MAML3: variants seen among roughly 807,000 people sequenced by gnomAD.
The protein encoded by MAML3 is mastermind like transcriptional coactivator 3, also known as mastermind-like protein 3.
MAML3 carries 27 observed loss-of-function variants against 101.9 expected under a neutral mutation model. The observed-to-expected ratio is 0.27, with a 90% CI of 0.20 to 0.37. The LOEUF is 0.37. Among genes scored for constraint, MAML3 ranks in the 10% least tolerant of loss-of-function variants. The pLI is 1.00. For missense variants in MAML3, 1,316 were observed against 1,444.9 expected (o/e 0.91, Z 1.45); for synonymous variants, 501 against 555.9 (o/e 0.90, Z 1.39).
At chr4:140,019,901 G>A (rs1272105704) in intron 1 of MAML3, among the ~76,000 whole-genome samples, 2 of 152,192 alleles carry the variant, frequency 1.3e-5, no homozygotes, top group African/African-American at 4.8e-5. Context: ...CCTGGGTACT[G>A]TGAGGATTTC....
intron 2 of MAML3, among the ~76,000 whole-genome samples, chr4:139,790,667 T>A (rs1266501221): frequency 6.6e-6 from 1 of 152,190 alleles, no homozygotes; most frequent in African/African-American, 2.4e-5. Flanking sequence ...GTGTCTGGCT[T>A]ATTTCACTTA....
At chr4:139,928,743 G>T (rs1211984103) in intron 1 of MAML3, among the ~76,000 whole-genome samples, 1 of 152,204 alleles carries the variant, frequency 6.6e-6, no homozygotes, top group Non-Finnish European at 1.5e-5. Flanking sequence ...TCCATGAACT[G>T]CTGGCTGCAG....
At chr4:139,956,108 T>C (rs931138532) in intron 1 of MAML3, among the ~76,000 whole-genome samples, 9 of 152,214 alleles carry the variant, frequency 5.9e-5, no homozygotes, top group Non-Finnish European at 1.3e-4. Flanking sequence ...GACTTGCTAC[T>C]TATATAATTG....
intron 1 of MAML3, among the ~76,000 whole-genome samples, chr4:140,085,286 G>C (rs1320523289): frequency 6.6e-6 from 1 of 152,138 alleles, no homozygotes; most frequent in African/African-American, 2.4e-5. Flanking sequence ...TACTCATCTT[G>C]CTTTGCAGTC....
intron 1 of MAML3, among the ~76,000 whole-genome samples, chr4:140,033,604 T>C (rs1364057892): frequency 6.6e-6 from 1 of 152,188 alleles, no homozygotes; most frequent in Non-Finnish European, 1.5e-5. Flanking sequence ...GCACAGTGGT[T>C]AAGAGCACTG....
chr4:139,838,117 A>G (rs997506560), intron 2 of MAML3, among the ~76,000 whole-genome samples: 11 of 151,736 alleles, frequency 7.2e-5, no homozygotes, highest in African/African-American at 1.7e-4. Context: ...GGGTTGGGAC[A>G]TGTTTTCCCA....
At chr4:139,804,999 C>T (rs899462792) in intron 2 of MAML3, among the ~76,000 whole-genome samples, 5 of 152,010 alleles carry the variant, frequency 3.3e-5, no homozygotes, top group Non-Finnish European at 7.4e-5. Flanking sequence ...GCCAACATGG[C>T]GAAAACCCAT....
intron 1 of MAML3, among the ~76,000 whole-genome samples, chr4:139,943,864 C>CT (rs10644498): frequency 0.37 from 24,023 of 65,576 alleles, 6,249 homozygotes; most frequent in East Asian, 0.73. Flanking sequence ...CTAAAGACAA[C>CT]TTTTTTTTTT....
chr4:139,745,289 C>A (rs1729285647), intron 2 of MAML3, among the ~76,000 whole-genome samples: 1 of 73,952 alleles, frequency 1.4e-5, no homozygotes, highest in Non-Finnish European at 3.5e-5. Flanking sequence ...GACCACCGTC[C>A]ATCAGGAGCC....
intron 1 of MAML3, among the ~76,000 whole-genome samples, chr4:139,941,545 G>T (rs75214989): frequency 0.12 from 16,674 of 143,244 alleles, 1,005 homozygotes; most frequent in African/African-American, 0.13. Flanking sequence ...GTTGTTGTTG[G>T]TGGTGGTGGT....
intron 1 of MAML3, among the ~76,000 whole-genome samples, chr4:140,145,227 CTG>C (rs1291609470): frequency 6.6e-6 from 1 of 152,214 alleles, no homozygotes; most frequent in African/African-American, 2.4e-5. Context: ...AAGTAAAACA[CTG>C]TTAACAGTTG....
intron 2 of MAML3, among the ~76,000 whole-genome samples, chr4:139,833,035 T>C (rs1480884366): frequency 2.0e-5 from 3 of 152,210 alleles, no homozygotes; most frequent in African/African-American, 7.2e-5. Flanking sequence ...AACTACCAAT[T>C]ATCTCATAAG....
intron 1 of MAML3, among the ~76,000 whole-genome samples, chr4:139,994,530 C>G (rs557374423): frequency 2.0e-5 from 3 of 152,122 alleles, no homozygotes; most frequent in African/African-American, 4.8e-5. Flanking sequence ...TAAGGTGGTG[C>G]ATGCCTGAAG....
chr4:139,768,955 A>C (rs144863769), intron 2 of MAML3, among the ~76,000 whole-genome samples: 2 of 152,326 alleles, frequency 1.3e-5, no homozygotes, highest in East Asian at 3.9e-4. Flanking sequence ...GAAGGTGTAC[A>C]TGACTCTACG....
intron 1 of MAML3, among the ~76,000 whole-genome samples, chr4:140,029,305 C>T (rs1239105990): frequency 6.6e-6 from 1 of 152,206 alleles, no homozygotes; most frequent in Non-Finnish European, 1.5e-5. Context: ...AACACTGCCA[C>T]TGCGATTAGA....
rs77304065 is a variant in MAML3 at position 140,110,637 on chromosome 4, T to G, written c.468+42223A>C. 9.5e-4 allele frequency among the ~76,000 whole-genome samples: 145 copies of G among 152,246 alleles called. 2 individuals are homozygous for G. In the East Asian group the frequency reaches 0.027, roughly 28 times the overall value. ...TACTTACAGGAAAGAGTAATTAAAT[T>G]TAAAGGCAACATTCAAAGTCACATG... On this transcript the variant is annotated intron_variant, in intron 1 of 4. Transcript: ENST00000509479.
intron 2 of MAML3, chr4:139,740,810 G>A (rs1293622115): frequency 6.6e-6 from 1 of 152,564 alleles, no homozygotes; most frequent in East Asian, 1.9e-4. Context: ...GGGAAGGCGA[G>A]GGCACTTCCC....
rs562153048 is a variant in MAML3, at chr4:140,003,325, G to A, written c.469-112358C>T. Among the ~76,000 whole-genome samples, 2 of 152,202 alleles carry A rather than the reference G, an allele frequency of 1.3e-5. 1 individual carries two copies. Among genetic ancestry groups the A allele is most frequent in the South Asian group, 4.1e-4 (2 of 4,820 alleles). On this transcript the variant is annotated intron_variant, in intron 1 of 4. Transcript: ENST00000509479. ...AGGGAAAATTCTAGAGGGAGCTCTCGGACAAAGTTCCAGATATACTGGGAG... is the reference window on the plus strand; with the variant it reads ...AGGGAAAATTCTAGAGGGAGCTCTCAGACAAAGTTCCAGATATACTGGGAG...
chr4:139,988,033 A>AGG (rs1211846570), intron 1 of MAML3, among the ~76,000 whole-genome samples: 80 of 135,586 alleles, frequency 5.9e-4, no homozygotes, highest in Non-Finnish European at 1.2e-3. Context: ...AAAAAAAAAA[A>AGG]AAAAAAAAAG....
Sources: gnomAD v4.1 joint callset for allele counts (sites outside exome capture counted in the v4.1 genomes callset) on GRCh38, gnomAD v4.1.1 for gene constraint, MANE v1.5 for transcripts, NCBI Gene and HGNC (gene_info 2026-07-23, HGNC 2026-07-21) for gene names.